GTF2IRD1: variants seen among roughly 807,000 people sequenced by gnomAD.
GTF2IRD1 encodes the protein GTF2I repeat domain containing 1.
GTF2IRD1 carries 26 observed loss-of-function variants against 113.2 expected under a neutral mutation model. That is an observed-to-expected ratio of 0.23 (90% CI 0.17 to 0.32). The LOEUF (loss-of-function observed/expected upper bound fraction) is 0.32. Among genes scored for constraint, GTF2IRD1 ranks in the 10% least tolerant of loss-of-function variants. GTF2IRD1 has a pLI of 1.00. For synonymous variants in GTF2IRD1, 484 were observed against 529.1 expected, an observed-to-expected ratio of 0.91 and a Z score of 1.17; for missense variants, 864 against 1,280.8, an observed-to-expected ratio of 0.67 and a Z score of 4.97.
At chr7:74,518,425 G>A in intron 5 of GTF2IRD1, 103 bp downstream of exon 5, 1 of 865,642 alleles carries the variant, frequency 1.2e-6, no homozygotes, top group Non-Finnish European at 1.7e-6. Flanking sequence ...GACTTGAGAT[G>A]CCCGTGGGGG....
At chr7:74,457,323 CTTACTCAGATGT>C (rs1242037665) in intron 1 of GTF2IRD1, among the ~76,000 whole-genome samples, 1 of 152,138 alleles carries the variant, frequency 6.6e-6, no homozygotes, top group Non-Finnish European at 1.5e-5. Context: ...CAACATTGAT[CTTACTCAGATGT>C]TTACATCTCT....
At chr7:74,589,573 T>A (rs1409777646) in intron 22 of GTF2IRD1, among the ~76,000 whole-genome samples, 1 of 151,952 alleles carries the variant, frequency 6.6e-6, no homozygotes, top group Admixed American at 6.6e-5. Context: ...GGCACGTGCC[T>A]GTGATCCCAG....
At chr7:74,482,957 C>A (rs1794827026) in intron 1 of GTF2IRD1, among the ~76,000 whole-genome samples, 1 of 152,150 alleles carries the variant, frequency 6.6e-6, no homozygotes, top group South Asian at 2.1e-4. Context: ...TACTGCCCAT[C>A]GTCAAAGAAA....
At chr7:74,588,732 A>G (rs1202002589) in intron 22 of GTF2IRD1, among the ~76,000 whole-genome samples, 1 of 152,026 alleles carries the variant, frequency 6.6e-6, no homozygotes, top group African/African-American at 2.4e-5. Flanking sequence ...GGGTTTCACC[A>G]TGTTGGCCAG....
At chr7:74,500,354 G>A (rs553634220) in intron 1 of GTF2IRD1, among the ~76,000 whole-genome samples, 7 of 152,050 alleles carry the variant, frequency 4.6e-5, no homozygotes, top group Non-Finnish European at 8.8e-5. Context: ...AGGCCAAGGT[G>A]GGTGGATCGC....
chr7:74,551,134 G>C (rs1554354904), intron 17 of GTF2IRD1, among the ~76,000 whole-genome samples: 1 of 152,162 alleles, frequency 6.6e-6, no homozygotes, highest in African/African-American at 2.4e-5. Flanking sequence ...TTGAGTTCCA[G>C]AGTTTGAAAT....
At chr7:74,596,547 G>A (rs1309322104) in intron 25 of GTF2IRD1, among the ~76,000 whole-genome samples, 2 of 152,032 alleles carry the variant, frequency 1.3e-5, no homozygotes, top group Non-Finnish European at 2.9e-5. Context: ...GGAGTCTGAG[G>A]TGGAAGAATC....
intron 6 of GTF2IRD1, 74 bp downstream of exon 6, chr7:74,519,793 G>GCATCCTGACCT: frequency 1.8e-6 from 2 of 1,127,898 alleles, no homozygotes; most frequent in Non-Finnish European, 2.6e-6. Context: ...AGCCTCCCAG[G>GCATCCTGACCT]GCAGGTCAGG....
chr7:74,520,079 A>G (rs1462949151), intron 6 of GTF2IRD1, among the ~76,000 whole-genome samples: 1 of 123,892 alleles, frequency 8.1e-6, no homozygotes, highest in African/African-American at 3.1e-5. Context: ...GTGACAGCAC[A>G]GCTCTGTCTC....
rs1796728702 is a variant in GTF2IRD1 at position 74,513,105 on chromosome 7, T to C, written c.265+134T>C. 4.9e-6 allele frequency: 4 copies of C among 822,012 alleles called. No homozygotes were observed. In the African/African-American group the frequency reaches 6.8e-5, roughly 14 times the overall value. 50.9% of individuals were successfully genotyped at this position (822,012 alleles called of 1,614,324 possible). A position where few individuals can be genotyped will look rare whatever the true frequency, so the allele number is the denominator to read the frequency against. ...GGAGTGAACCTAACAAGCTAGGTTG[T>C]CTGAGATTCCCGATGTGGTGTTATT... On this transcript the variant is annotated intron_variant, in intron 3 of 26. Transcript: ENST00000424337.
At chr7:74,460,331 G>A (rs1432915217) in intron 1 of GTF2IRD1, among the ~76,000 whole-genome samples, 2 of 151,868 alleles carry the variant, frequency 1.3e-5, no homozygotes, top group Non-Finnish European at 2.9e-5. Flanking sequence ...GTGCAGTGGC[G>A]TGATCCTACC....
intron 1 of GTF2IRD1, among the ~76,000 whole-genome samples, chr7:74,464,744 G>A (rs539321909): frequency 1.3e-5 from 2 of 152,244 alleles, no homozygotes; most frequent in Admixed American, 6.5e-5. Flanking sequence ...ACAAGCCACC[G>A]CGCCCAGCTG....
chr7:74,503,184 G>A (rs1329774776), intron 1 of GTF2IRD1, among the ~76,000 whole-genome samples: 2 of 146,802 alleles, frequency 1.4e-5, no homozygotes, highest in African/African-American at 2.5e-5. Context: ...AAAAAATACA[G>A]TGTCCAGGGC....
chr7:74,495,507 A>G (rs541673036), intron 1 of GTF2IRD1, among the ~76,000 whole-genome samples: 1 of 152,250 alleles, frequency 6.6e-6, no homozygotes, highest in South Asian at 2.1e-4. Context: ...AACTTGCATC[A>G]ACGGCCCCTC....
chr7:74,468,356 TTAAA>T (rs1793856256), intron 1 of GTF2IRD1, among the ~76,000 whole-genome samples: 1 of 11,054 alleles, frequency 9.0e-5, no homozygotes, highest in African/African-American at 2.9e-4. Flanking sequence ...TAAAAATAAT[TTAAA>T]AAAAAAAAAA....
rs374457609 is a variant in GTF2IRD1 at position 74,508,182 on chromosome 7, C to G, written c.102C>G (p.Leu34=). 2.4e-5 allele frequency: 39 copies of G among 1,612,800 alleles called. No individual in the cohort carries two copies. The highest frequency in any genetic ancestry group is 3.1e-5 in the Non-Finnish European group (37 of 1,179,982). ...FTRKDEIITS[L]VSALDSMCSA... ...GCAAAGACGAGATCATCACCAGCCTCGTGTCTGCCTTAGACTCCATGGTGA... is the reference window on the plus strand; with the variant it reads ...GCAAAGACGAGATCATCACCAGCCTGGTGTCTGCCTTAGACTCCATGGTGA... Residue 34 remains leucine, a synonymous_variant, in exon 2 of 27, where the codon CTC becomes CTG. Transcript: ENST00000424337.
intron 1 of GTF2IRD1, among the ~76,000 whole-genome samples, chr7:74,496,571 TGGG>T (rs1795734584): frequency 8.7e-6 from 1 of 114,786 alleles, no homozygotes; most frequent in African/African-American, 3.8e-5. Flanking sequence ...TGTACATGTG[TGGG>T]TGTGCATGTG....
chr7:74,540,047 C>T, intron 14 of GTF2IRD1, 79 bp downstream of exon 14: 2 of 999,520 alleles, frequency 2.0e-6, no homozygotes, highest in Non-Finnish European at 1.6e-6. Context: ...GCCAGGCCGT[C>T]CCCAGGTGTT....
intron 25 of GTF2IRD1, among the ~76,000 whole-genome samples, chr7:74,596,864 G>T (rs1403487747): frequency 6.6e-6 from 1 of 152,048 alleles, no homozygotes; most frequent in Non-Finnish European, 1.5e-5. Context: ...GCAAGATCGG[G>T]TGCATTCAGG....
Sources: gnomAD v4.1 joint callset for allele counts (sites outside exome capture counted in the v4.1 genomes callset) on GRCh38, gnomAD v4.1.1 for gene constraint, MANE v1.5 for transcripts, NCBI Gene and HGNC (gene_info 2026-07-23, HGNC 2026-07-21) for gene names.